RFTN1: variants seen among roughly 807,000 people sequenced by gnomAD.
The protein encoded by RFTN1 is raftlin.
In RFTN1, 26 loss-of-function variants were observed where a neutral mutation model predicts 46.5. The ratio of observed to expected loss-of-function variants is 0.56; its 90% CI spans 0.41 to 0.78. The LOEUF (loss-of-function observed/expected upper bound fraction) is 0.78, where lower values mean the gene tolerates loss of function less well. Ranked by LOEUF, RFTN1 falls within the 30% of genes least tolerant of loss-of-function variation. The pLI is 0.00. For missense variants in RFTN1, 693 were observed against 718.7 expected (o/e 0.96, Z 0.41); for synonymous variants, 261 against 284.2 (o/e 0.92, Z 0.82).
chr3:16,395,383 G>C (rs1473601322), intron 4 of RFTN1, among the ~76,000 whole-genome samples: 1 of 151,984 alleles, frequency 6.6e-6, no homozygotes, highest in Non-Finnish European at 1.5e-5. Context: ...GTCCAAGATA[G>C]TAGCCATATG....
rs140079535 is a variant in RFTN1, at chr3:16,489,939, G to A, written c.145+3786C>T. ...AAACAAAATAAAGAAAGAAAAATGA[G>A]GTGAGGACGTAATGTCCTATCACAG... On this transcript the variant is annotated intron_variant, in intron 2 of 9. Transcript: ENST00000334133. The surrounding 1 kb of genome is among the most constrained non-coding windows in gnomAD (Gnocchi z 4.0). Among the ~76,000 whole-genome samples the A allele has an allele frequency of 8.0e-4, 122 of 152,114 alleles. No individual in the cohort carries two copies. The highest frequency in any genetic ancestry group is 2.9e-3 in the African/African-American group (120 of 41,508).
intron 3 of RFTN1, among the ~76,000 whole-genome samples, chr3:16,420,323 G>T (rs1375487810): frequency 2.0e-5 from 3 of 152,180 alleles, no homozygotes; most frequent in African/African-American, 4.8e-5. Flanking sequence ...GATGTAGAAA[G>T]AACTAATATT....
Position 16,324,621 on chromosome 3 carries a change from C to CCCCCG in RFTN1, c.1251-1165_1251-1164insCGGGG, listed in dbSNP as rs957893120. On this transcript the variant is annotated intron_variant, in intron 8 of 9. Transcript: ENST00000334133. ...ATAACAGAATGTCCCTGACCCCCCC[C>CCCCCG]CTTTTAAGGTTGCATAGTATTCCAT... is the stretch of plus-strand genomic sequence containing the variant. Among the ~76,000 whole-genome samples the CCCCCG allele has an allele frequency of 1.8e-4, 25 of 136,608 alleles. 1 individual carries two copies. Among genetic ancestry groups the CCCCCG allele is most frequent in the Admixed American group, 2.2e-4 (3 of 13,764 alleles). 89.6% of individuals were successfully genotyped at this position (136,608 alleles called of 152,430 possible). A position where few individuals can be genotyped will look rare whatever the true frequency, so the allele number is the denominator to read the frequency against.
At position 16,356,087 on chromosome 3, in the gene RFTN1, C is replaced by T. The variant is rs960591938; in HGVS notation, c.1146+1845G>A. 1.3e-5 allele frequency among the ~76,000 whole-genome samples: 2 copies of T among 152,202 alleles called. No individual in the cohort carries two copies. The highest frequency in any genetic ancestry group is 2.9e-5 in the Non-Finnish European group (2 of 68,042). ...CCTCAACTCTTGGCATTTCATATTT[C>T]ACCACCACCTGGAGCCTTCACTCCA... On this transcript the variant is annotated intron_variant, in intron 7 of 9. Coordinates refer to ENST00000334133, the MANE Select transcript of RFTN1 (RefSeq NM_015150.2). This position sits in a 1 kb window ranked among gnomAD's most constrained non-coding sequence, Gnocchi z 4.9.
intron 3 of RFTN1, among the ~76,000 whole-genome samples, chr3:16,417,974 T>C (rs1002974412): frequency 7.9e-5 from 12 of 152,226 alleles, no homozygotes; most frequent in African/African-American, 2.7e-4. Context: ...CCCAAAGTTC[T>C]GGGATTACAG....
intron 7 of RFTN1, among the ~76,000 whole-genome samples, chr3:16,333,550 C>T (rs2070534289): frequency 6.6e-6 from 1 of 152,056 alleles, no homozygotes; most frequent in African/African-American, 2.4e-5. Flanking sequence ...TGTCCAATCC[C>T]CCTCATTTAA....
Position 16,385,200 on chromosome 3 carries a change from T to A in RFTN1, c.442-7098A>T, listed in dbSNP as rs2074127251. Among the ~76,000 whole-genome samples, 1 of 152,182 alleles carries A rather than the reference T, an allele frequency of 6.6e-6. No individual in the cohort carries two copies. Among genetic ancestry groups the A allele is most frequent in the Admixed American group, 6.5e-5 (1 of 15,276 alleles). ...TACACATGAGTCTTTACAGTGAATA[T>A]TTTATCAGACACACACAACCCTTCC... is the stretch of plus-strand genomic sequence containing the variant. On this transcript the variant is annotated intron_variant, in intron 4 of 9. Coordinates refer to ENST00000334133, the MANE Select transcript of RFTN1 (RefSeq NM_015150.2). The surrounding 1 kb of genome is among the most constrained non-coding windows in gnomAD (Gnocchi z 5.0).
In RFTN1 at chr3:16,346,110, C is replaced by T. The variant is rs2071702404; in HGVS notation, c.1146+11822G>A. On this transcript the variant is annotated intron_variant, in intron 7 of 9. Transcript: ENST00000334133. The surrounding 1 kb of genome is among the most constrained non-coding windows in gnomAD (Gnocchi z 4.4). Reference sequence around the variant, plus strand: ...GTTCCTATGATTTAGGGTCTTCCAGCACCCCTCAGGAAGCTTGACAATGAA... The same window carrying T: ...GTTCCTATGATTTAGGGTCTTCCAGTACCCCTCAGGAAGCTTGACAATGAA... The T allele has an allele frequency of 6.6e-6, 1 of 152,120 alleles. No homozygotes were observed. The highest frequency in any genetic ancestry group is 1.5e-5 in the Non-Finnish European group (1 of 68,032). 9.4% of individuals were successfully genotyped at this position (152,120 alleles called of 1,614,324 possible).
Position 16,374,719 on chromosome 3 carries a change from G to C in RFTN1, c.826+2999C>G, listed in dbSNP as rs574429584. ...TAGCCTCCTGGTTTCTCTGATGGAA[G>C]CTGTGGCAACGGAGACACTGAGGCT... On this transcript the variant is annotated intron_variant, in intron 5 of 9. Coordinates refer to ENST00000334133, the MANE Select transcript of RFTN1 (RefSeq NM_015150.2). This position sits in a 1 kb window ranked among gnomAD's most constrained non-coding sequence, Gnocchi z 5.4. Among the ~76,000 whole-genome samples, 1 of 152,252 alleles carries C rather than the reference G, an allele frequency of 6.6e-6. No individual in the cohort carries two copies.
In RFTN1 at chr3:16,361,362, A is replaced by G. The variant is rs1054235753; in HGVS notation, c.1031-3315T>C. Among the ~76,000 whole-genome samples the G allele has an allele frequency of 1.3e-5, 2 of 152,180 alleles. No individual in the cohort carries two copies. The highest frequency in any genetic ancestry group is 6.5e-5 in the Admixed American group (1 of 15,274). Reference sequence around the variant, plus strand: ...AGAGATCTCACAAGCAGCAAGATAAAGTCCCTGCCTACATGAAGCTTACCT... The same window carrying G: ...AGAGATCTCACAAGCAGCAAGATAAGGTCCCTGCCTACATGAAGCTTACCT... On this transcript the variant is annotated intron_variant, in intron 6 of 9. Transcript: ENST00000334133. This position sits in a 1 kb window ranked among gnomAD's most constrained non-coding sequence, Gnocchi z 4.3.
chr3:16,472,986 A>G (rs960111648), intron 2 of RFTN1, among the ~76,000 whole-genome samples: 1 of 152,228 alleles, frequency 6.6e-6, no homozygotes, highest in African/African-American at 2.4e-5. Flanking sequence ...AGAGTCAGAC[A>G]GGTAGGGCGA....
intron 4 of RFTN1, among the ~76,000 whole-genome samples, chr3:16,405,705 T>G (rs991389597): frequency 2.6e-5 from 4 of 152,130 alleles, no homozygotes; most frequent in African/African-American, 7.2e-5. Flanking sequence ...AAACATTTGG[T>G]GGAAAAATAA....
intron 2 of RFTN1, among the ~76,000 whole-genome samples, chr3:16,482,363 A>G (rs766735246): frequency 1.3e-5 from 2 of 152,236 alleles, no homozygotes; most frequent in Admixed American, 6.5e-5. Flanking sequence ...CACTCAGTCT[A>G]TTCTCATCCC....
At position 16,346,292 on chromosome 3, in the gene RFTN1, T is replaced by G. The variant is rs752751775; in HGVS notation, c.1146+11640A>C. ...GCTGACACACAGTAGGAACTCAATA[T>G]TTATTTGTTGGATAAATTTTTAAAA... On this transcript the variant is annotated intron_variant, in intron 7 of 9. Transcript: ENST00000334133. This position sits in a 1 kb window ranked among gnomAD's most constrained non-coding sequence, Gnocchi z 4.4. 28 of 152,220 alleles carry G rather than the reference T, an allele frequency of 1.8e-4. No homozygotes were observed. Among genetic ancestry groups the G allele is most frequent in the Non-Finnish European group, 3.8e-4 (26 of 68,036 alleles). The allele number at this position is 152,220 out of a possible 1,614,324, so 9.4% of individuals were successfully genotyped here. A position where few individuals can be genotyped will look rare whatever the true frequency, so the allele number is the denominator to read the frequency against.
At chr3:16,397,333 G>C (rs1274424344) in intron 4 of RFTN1, among the ~76,000 whole-genome samples, 1 of 152,114 alleles carries the variant, frequency 6.6e-6, no homozygotes, top group Non-Finnish European at 1.5e-5. Flanking sequence ...TAAAACACTG[G>C]TTACTATGGC....
At chr3:16,403,854 TTA>T (rs1227636527) in intron 4 of RFTN1, among the ~76,000 whole-genome samples, 1 of 4,974 alleles carries the variant, frequency 2.0e-4, no homozygotes, top group African/African-American at 1.9e-3. Context: ...AATATATATT[TTA>T]TATATATTAT....
At position 16,361,963 on chromosome 3, in the gene RFTN1, A is replaced by G. The variant is rs902818716; in HGVS notation, c.1031-3916T>C. On this transcript the variant is annotated intron_variant, in intron 6 of 9. Coordinates refer to ENST00000334133, the MANE Select transcript of RFTN1 (RefSeq NM_015150.2). This position sits in a 1 kb window ranked among gnomAD's most constrained non-coding sequence, Gnocchi z 4.3. Reference sequence around the variant, plus strand: ...AGCCAACCCCAAAATCTGCCAGAGTAAATTGTTACCATTGTAAGCCAATGA... The same window carrying G: ...AGCCAACCCCAAAATCTGCCAGAGTGAATTGTTACCATTGTAAGCCAATGA... Among the ~76,000 whole-genome samples, 3 of 152,214 alleles carry G rather than the reference A, an allele frequency of 2.0e-5. No individual in the cohort carries two copies. Among genetic ancestry groups the G allele is most frequent in the Admixed American group, 6.5e-5 (1 of 15,286 alleles).
chr3:16,401,360 TCTC>T (rs780722998), intron 4 of RFTN1, among the ~76,000 whole-genome samples: 1 of 150,838 alleles, frequency 6.6e-6, no homozygotes, highest in South Asian at 2.1e-4. Context: ...GGATCTCAAA[TCTC>T]CTAAAGTAAA....
Position 16,422,973 on chromosome 3 carries a change from T to G in RFTN1, c.332+10878A>C, listed in dbSNP as rs1387239087. Among the ~76,000 whole-genome samples the G allele has an allele frequency of 6.6e-6, 1 of 151,988 alleles. No homozygotes were observed. The highest frequency in any genetic ancestry group is 1.9e-4 in the East Asian group (1 of 5,156). ...TGAGGTCAGGAGATCGAGACCATCC[T>G]GGCTAACACAGTGAAACCCCATCTC... On this transcript the variant is annotated intron_variant, in intron 3 of 9. Coordinates refer to ENST00000334133, the MANE Select transcript of RFTN1 (RefSeq NM_015150.2). The surrounding 1 kb of genome is among the most constrained non-coding windows in gnomAD (Gnocchi z 4.6).
Sources: gnomAD v4.1 joint callset for allele counts (sites outside exome capture counted in the v4.1 genomes callset) on GRCh38, gnomAD v4.1.1 for gene constraint, Gnocchi (gnomAD v3.1) non-coding constraint, MANE v1.5 for transcripts, NCBI Gene and HGNC (gene_info 2026-07-23, HGNC 2026-07-21) for gene names.